The following PLCB1 variants were observed in gnomAD, a reference collection of about 807,000 sequenced individuals.
PLCB1 encodes the protein phospholipase C beta 1.
Under a neutral mutation model 161.8 loss-of-function variants are expected in PLCB1, and 46 were observed. That is an observed-to-expected ratio of 0.28 (90% CI 0.22 to 0.36). PLCB1 has a LOEUF of 0.36. Among genes scored for constraint, PLCB1 ranks in the 10% least tolerant of loss-of-function variants. The pLI is 1.00. For missense variants in PLCB1, 1,016 were observed against 1,472.5 expected (o/e 0.69, Z 5.07); for synonymous variants, 517 against 503.7 (o/e 1.03, Z -0.35).
In PLCB1 at chr20:8,753,499, C is replaced by T. The variant is rs984382651; in HGVS notation, c.2524-3547C>T. Among the ~76,000 whole-genome samples the T allele has an allele frequency of 3.9e-5, 6 of 152,326 alleles. No homozygotes were observed. The South Asian group carries it at 1.2e-3, about 32-fold the overall frequency. On this transcript the variant is annotated intron_variant, in intron 23 of 31. Transcript: ENST00000338037. The stretch of plus-strand genomic sequence containing the variant: ...TCCTTAGCCCAGTGTTTAATGTCCT[C>T]ATTACTGACCCTCTTCTCTATGCCT...
At chr20:8,812,407 G>A (rs942666126) in intron 31 of PLCB1, among the ~76,000 whole-genome samples, 2 of 149,296 alleles carry the variant, frequency 1.3e-5, no homozygotes, top group South Asian at 2.1e-4. Context: ...TGGTGTGAGC[G>A]GGGGCTGGTG....
At chr20:8,574,465 G>GA (rs1244929268) in intron 3 of PLCB1, among the ~76,000 whole-genome samples, 9 of 152,092 alleles carry the variant, frequency 5.9e-5, no homozygotes, top group Non-Finnish European at 8.8e-5. Context: ...TTTAGTCACA[G>GA]AAAAAAACAG....
chr20:8,265,539 GA>G (rs3830723), intron 2 of PLCB1, among the ~76,000 whole-genome samples: 10 of 151,888 alleles, frequency 6.6e-5, no homozygotes, highest in East Asian at 3.9e-4. Context: ...TTTATGCTTT[GA>G]AAAAAATATT....
chr20:8,781,990 A>C (rs147710991), intron 27 of PLCB1, among the ~76,000 whole-genome samples: 1 of 152,324 alleles, frequency 6.6e-6, no homozygotes, highest in East Asian at 1.9e-4. Flanking sequence ...GCAACTCCAC[A>C]TTGAATAGAA....
chr20:8,790,836 CTGAG>C (rs1386356710), intron 31 of PLCB1, among the ~76,000 whole-genome samples: 3 of 152,132 alleles, frequency 2.0e-5, no homozygotes, highest in Non-Finnish European at 4.4e-5. Context: ...TTTGAATGAA[CTGAG>C]TATCTGTAGA....
At chr20:8,659,915 C>CCAGGAGGCA (rs1437163613) in intron 9 of PLCB1, among the ~76,000 whole-genome samples, 1 of 150,686 alleles carries the variant, frequency 6.6e-6, no homozygotes. Context: ...TTGCTTTAAC[C>CCAGGAGGCA]CAGGAGGCAG....
At chr20:8,545,720 A>G (rs1320469284) in intron 3 of PLCB1, among the ~76,000 whole-genome samples, 3 of 152,242 alleles carry the variant, frequency 2.0e-5, no homozygotes, top group Non-Finnish European at 4.4e-5. Flanking sequence ...AAAAGCCCTG[A>G]AAGAGTGCAT....
intron 3 of PLCB1, among the ~76,000 whole-genome samples, chr20:8,443,141 A>C (rs1272484969): frequency 1.3e-5 from 2 of 151,920 alleles, no homozygotes; most frequent in Non-Finnish European, 2.9e-5. Context: ...CACCACACCC[A>C]GCTAATATTT....
chr20:8,592,145 CAA>C lies in PLCB1; in HGVS notation c.247-36148_247-36147del, dbSNP rs1987168036. 2.6e-5 allele frequency among the ~76,000 whole-genome samples: 4 copies of C among 152,312 alleles called. No homozygotes were observed. The East Asian group carries it at 7.7e-4, about 29-fold the overall frequency. On this transcript the variant is annotated intron_variant, in intron 3 of 31. Coordinates refer to ENST00000338037, the MANE Select transcript of PLCB1 (RefSeq NM_015192.4). ...AAGCAAATGTGTCACTACACTATCTCAAGCCCATGTGGCCAATCTTTGACCAC... is the reference window on the plus strand; with the variant it reads ...AAGCAAATGTGTCACTACACTATCTCGCCCATGTGGCCAATCTTTGACCAC...
At chr20:8,320,324 C>T (rs1355711150) in intron 2 of PLCB1, among the ~76,000 whole-genome samples, 1 of 152,108 alleles carries the variant, frequency 6.6e-6, no homozygotes, top group East Asian at 1.9e-4. Flanking sequence ...TTGTTACATG[C>T]CAGACTCAGT....
intron 3 of PLCB1, among the ~76,000 whole-genome samples, chr20:8,626,507 ATAATG>A (rs1436519094): frequency 6.6e-6 from 1 of 152,216 alleles, no homozygotes; most frequent in Non-Finnish European, 1.5e-5. Flanking sequence ...AGGCAGTAAA[ATAATG>A]TAGACTGAAC....
intron 3 of PLCB1, among the ~76,000 whole-genome samples, chr20:8,440,136 G>C (rs752159806): frequency 3.3e-5 from 5 of 152,114 alleles, no homozygotes; most frequent in Non-Finnish European, 7.3e-5. Flanking sequence ...ATCACCTCAA[G>C]GTCGCCATGA....
At chr20:8,701,278 C>T (rs1990697365) in intron 11 of PLCB1, among the ~76,000 whole-genome samples, 1 of 152,184 alleles carries the variant, frequency 6.6e-6, no homozygotes, top group Admixed American at 6.5e-5. Context: ...ATCCACTGGG[C>T]TCCAACAGTA....
At chr20:8,144,598 C>G (rs1028315384) in intron 1 of PLCB1, among the ~76,000 whole-genome samples, 1 of 152,206 alleles carries the variant, frequency 6.6e-6, no homozygotes, top group African/African-American at 2.4e-5. Flanking sequence ...CTCCAATGAT[C>G]TTAATTCCTC....
At chr20:8,549,322 T>C (rs970301188) in intron 3 of PLCB1, among the ~76,000 whole-genome samples, 2 of 152,220 alleles carry the variant, frequency 1.3e-5, no homozygotes, top group African/African-American at 4.8e-5. Context: ...TTTCATTTTT[T>C]AGCCAATTAC....
chr20:8,328,955 C>G (rs960102082), intron 2 of PLCB1, among the ~76,000 whole-genome samples: 3 of 152,118 alleles, frequency 2.0e-5, no homozygotes, highest in Non-Finnish European at 1.5e-5. Flanking sequence ...CTGAATAGCC[C>G]CAGTATCTTC....
rs147025877 is a variant in PLCB1 at position 8,452,030 on chromosome 20, G to GAA, written c.246+80583_246+80584dup. On this transcript the variant is annotated intron_variant, in intron 3 of 31. Coordinates refer to ENST00000338037, the MANE Select transcript of PLCB1 (RefSeq NM_015192.4). ...GGGAATTCTTTCCTATTTTTAAAAT[G>GAA]AAAATAGCTGAGAGATTTGTGAGGA... 9.6e-3 allele frequency among the ~76,000 whole-genome samples: 1,466 copies of GAA among 152,234 alleles called. 22 individuals are homozygous for GAA. Among genetic ancestry groups the GAA allele is most frequent in the African/African-American group, 0.033 (1,381 of 41,540 alleles).
chr20:8,265,082 C>G (rs1981889437), intron 2 of PLCB1, among the ~76,000 whole-genome samples: 1 of 152,174 alleles, frequency 6.6e-6, no homozygotes, highest in African/African-American at 2.4e-5. Context: ...TTGTCTGACA[C>G]TGTACAGAAT....
At chr20:8,819,638 G>A (rs1032974363) in intron 31 of PLCB1, among the ~76,000 whole-genome samples, 4 of 152,066 alleles carry the variant, frequency 2.6e-5, no homozygotes, top group African/African-American at 9.7e-5. Context: ...TGCTAACCAT[G>A]AGGGATTTGT....
Sources: allele counts gnomAD v4.1 joint callset (sites outside exome capture counted in the v4.1 genomes callset), GRCh38; gene constraint gnomAD v4.1.1; transcripts MANE v1.5; gene names NCBI Gene and HGNC (gene_info 2026-07-23, HGNC 2026-07-21).